The following ABCC12 variants were observed in gnomAD, a reference collection of about 807,000 sequenced individuals.
ABCC12 encodes the protein ATP binding cassette subfamily C member 12, also known as ATP-binding cassette sub-family C member 12.
In ABCC12, 142 loss-of-function variants were observed where a neutral mutation model predicts 151.1. The ratio of observed to expected loss-of-function variants is 0.94; its 90% CI spans 0.82 to 1.08. ABCC12 has a LOEUF of 1.08. Among genes scored for constraint, ABCC12 ranks in the 50% least tolerant of loss-of-function variants. The pLI, the probability that ABCC12 is intolerant of heterozygous loss-of-function variation, is 0.00. For synonymous variants in ABCC12, 645 were observed against 646.4 expected (o/e 1.00, Z 0.03); for missense variants, 1,638 against 1,691.1 (o/e 0.97, Z 0.55).
At chr16:48,114,678 C>A (rs1426581640) in intron 15 of ABCC12, among the ~76,000 whole-genome samples, 2 of 152,138 alleles carry the variant, frequency 1.3e-5, no homozygotes, top group Admixed American at 6.5e-5. Flanking sequence ...GGATTCCCTA[C>A]AAAGAAGAGA....
chr16:48,123,842 C>A (rs532705317), intron 12 of ABCC12, among the ~76,000 whole-genome samples: 1 of 152,238 alleles, frequency 6.6e-6, no homozygotes, highest in Non-Finnish European at 1.5e-5. Context: ...CCATGAGCTC[C>A]AGACTCCAAA....
chr16:48,128,686 G>A lies in ABCC12; in HGVS notation c.1288C>T (p.Pro430Ser). ...TTTGCTAAAAGCAAGACAGTATCTG[G>A]GTCTTCTGGTTGGGTGATGTAAGAT... is the stretch of plus-strand genomic sequence containing the variant. ...PPSYITQPED[P>S]DTVLLLANAT... The change falls in exon 11 of 31, where the codon CCA becomes TCA. Residue 430 changes from proline (P) to serine (S), a missense_variant. By Grantham distance (74) the Pro-to-Ser change is moderately conservative (BLOSUM62 -1). Transcript: ENST00000311303. 6.2e-7 allele frequency: 1 copy of A among 1,614,070 alleles called. No individual in the cohort carries two copies. Among genetic ancestry groups the A allele is most frequent in the Non-Finnish European group, 8.5e-7 (1 of 1,180,010 alleles).
intron 1 of ABCC12, among the ~76,000 whole-genome samples, chr16:48,155,013 C>A (rs1965165338): frequency 6.6e-6 from 1 of 152,242 alleles, no homozygotes; most frequent in East Asian, 1.9e-4. Context: ...CTCTCCCAGG[C>A]CCTGCCTGCA....
chr16:48,152,452 C>A (rs1965129391), intron 2 of ABCC12, among the ~76,000 whole-genome samples: 1 of 152,178 alleles, frequency 6.6e-6, no homozygotes, highest in Non-Finnish European at 1.5e-5. Context: ...AGCTGTGGTC[C>A]ATGATCAACA....
At chr16:48,084,146 T>TA (rs1370083904) in intron 29 of ABCC12, 73 bp from the exon 30 acceptor site, 111 of 1,413,152 alleles carry the variant, frequency 7.9e-5, no homozygotes, top group South Asian at 9.9e-5. Flanking sequence ...CTATTTACTT[T>TA]AAAAAAAAGA....
In ABCC12 at chr16:48,139,108, A is replaced by C. The variant is rs1042308914; in HGVS notation, c.831+55T>G. The C allele has an allele frequency of 4.6e-6, 7 of 1,512,768 alleles. No individual in the cohort carries two copies. The African/African-American group carries it at 9.8e-5, about 21-fold the overall frequency. 93.7% of individuals were successfully genotyped at this position (1,512,768 alleles called of 1,614,324 possible). A position where few individuals can be genotyped will look rare whatever the true frequency, so the allele number is the denominator to read the frequency against. ...ATGCAGCCTTCCACCCAATTCAGTG[A>C]AAGTGTGTGAAATGCAAATACAAAG... is the stretch of plus-strand genomic sequence containing the variant. On this transcript the variant is annotated intron_variant, in intron 7 of 30. Transcript: ENST00000311303.
chr16:48,128,616 G>T lies in ABCC12; in HGVS notation c.1358C>A (p.Pro453Gln), dbSNP rs1323502316. Reference sequence around the variant, plus strand: ...CCTTTTCTGGTTCTGCAATTTCTTTGGGGTACTTTTCCTGCTGGCTTCATG... The same window carrying T: ...CCTTTTCTGGTTCTGCAATTTCTTTTGGGTACTTTTCCTGCTGGCTTCATG... ...WEHEASRKST[P>Q]KKLQNQKRHL... Residue 453 changes from proline to glutamine, a missense_variant, in exon 11 of 31, where the codon CCA becomes CAA. Transcript: ENST00000311303. 1 of 1,614,172 alleles carries T rather than the reference G, an allele frequency of 6.2e-7. No homozygotes were observed. The highest frequency in any genetic ancestry group is 8.5e-7 in the Non-Finnish European group (1 of 1,180,032).
Position 48,088,743 on chromosome 16 carries a change from G to A in ABCC12, c.3286-9C>T. 1 of 1,600,554 alleles carries A rather than the reference G, an allele frequency of 6.2e-7. No homozygotes were observed. The highest frequency in any genetic ancestry group is 1.1e-5 in the South Asian group (1 of 87,914). On this transcript the variant is annotated splice_polypyrimidine_tract_variant and intron_variant, in intron 25 of 30. Transcript: ENST00000311303. ...CATTCAGGAACACAGGTCTGTAAAG[G>A]AGAATAACCAATGACCAGTGACTAG...
At chr16:48,084,267 A>G (rs1468368235) in intron 29 of ABCC12, among the ~76,000 whole-genome samples, 194 bp from the exon 30 acceptor site, 1 of 152,230 alleles carries the variant, frequency 6.6e-6, no homozygotes, top group East Asian at 1.9e-4. Flanking sequence ...CATCACCTCC[A>G]TCTTTCCAAA....
chr16:48,115,569 C>T lies in ABCC12; in HGVS notation c.1835G>A (p.Ser612Asn). The change falls in exon 15 of 31, where the codon AGC becomes AAC. Residue 612 changes from serine (S) to asparagine (N), a missense_variant. Coordinates refer to ENST00000311303, the MANE Select transcript of ABCC12 (RefSeq NM_001393797.1). ...NLSGGQRQRISLARAVYSDRQ... is the reference protein window; with the variant it reads ...NLSGGQRQRINLARAVYSDRQ... Reference sequence around the variant, plus strand: ...GTCGGAGTAGACAGCGCGGGCCAGGCTAATCCTCTGCCTCTGCCCCCCAGA... The same window carrying T: ...GTCGGAGTAGACAGCGCGGGCCAGGTTAATCCTCTGCCTCTGCCCCCCAGA... The T allele has an allele frequency of 1.2e-6, 2 of 1,614,164 alleles. No homozygotes were observed. The highest frequency in any genetic ancestry group is 1.1e-5 in the South Asian group (1 of 91,088).
chr16:48,146,168 G>C, intron 3 of ABCC12, 138 bp downstream of exon 3: 1 of 737,388 alleles, frequency 1.4e-6, no homozygotes, highest in Non-Finnish European at 2.3e-6. Context: ...ATAAATGAAT[G>C]AACGTGTGCA....
Position 48,104,274 on chromosome 16 carries a change from AG to A in ABCC12, c.2767del (p.Leu923CysfsTer20), listed in dbSNP as rs1963406506. 6.2e-7 allele frequency: 1 copy of A among 1,614,154 alleles called. No homozygotes were observed. The highest frequency in any genetic ancestry group is 1.1e-5 in the South Asian group (1 of 91,092). ...SKDMDELDVR[L>X]PFHAENFLQQ... Reference sequence around the variant, plus strand: ...CAGAAAGTTCTCTGCGTGAAACGGCAGCCTCACATCCAGCTCGTCCATATCC... The same window carrying A: ...CAGAAAGTTCTCTGCGTGAAACGGCACCTCACATCCAGCTCGTCCATATCC... On this transcript the variant is annotated frameshift_variant, in exon 22 of 31. Coordinates refer to ENST00000311303, the MANE Select transcript of ABCC12 (RefSeq NM_001393797.1). LOFTEE classifies it high-confidence loss of function.
At position 48,104,275 on chromosome 16, in the gene ABCC12, G is replaced by A. The variant is rs963541598; in HGVS notation, c.2767C>T (p.Leu923=). The A allele has an allele frequency of 1.2e-6, 2 of 1,614,150 alleles. No individual in the cohort carries two copies. The highest frequency in any genetic ancestry group is 1.7e-6 in the Non-Finnish European group (2 of 1,180,054). ...AGAAAGTTCTCTGCGTGAAACGGCA[G>A]CCTCACATCCAGCTCGTCCATATCC... ...SKDMDELDVR[L]PFHAENFLQQ... Residue 923 remains leucine (L), a synonymous_variant, in exon 22 of 31, where the codon CTG becomes TTG. Coordinates refer to ENST00000311303, the MANE Select transcript of ABCC12 (RefSeq NM_001393797.1).
chr16:48,131,609 G>A (rs1225063355), intron 9 of ABCC12, among the ~76,000 whole-genome samples: 4 of 152,110 alleles, frequency 2.6e-5, no homozygotes, highest in African/African-American at 7.2e-5. Context: ...TTCTCCCTTC[G>A]GTTGGTGCCC....
intron 24 of ABCC12, among the ~76,000 whole-genome samples, chr16:48,093,728 C>T (rs556615270): frequency 2.6e-5 from 4 of 152,322 alleles, no homozygotes; most frequent in Non-Finnish European, 4.4e-5. Flanking sequence ...AGGGCATATA[C>T]ATCTTTTGCT....
In ABCC12 at chr16:48,111,650, G is replaced by A. The variant is rs560832836; in HGVS notation, c.2137C>T (p.Leu713Phe). The A allele has an allele frequency of 1.1e-4, 173 of 1,614,088 alleles. No individual in the cohort carries two copies. In the South Asian group the frequency reaches 1.7e-3, roughly 16 times the overall value. The change falls in exon 17 of 31, where the codon CTT becomes TTT. Residue 713 changes from leucine (L) to phenylalanine (F), a missense_variant. Leu to Phe is a conservative substitution (Grantham distance 22). Transcript: ENST00000311303. ...RGLQFKDPEH[L>F]YNAAMVEAFK... ...GCTTCCACCATTGCTGCATTGTAAA[G>A]GTGTTCAGGATCCTGGAGACAAAAT...
Position 48,109,941 on chromosome 16 carries a change from C to T in ABCC12, c.2282-1412G>A, listed in dbSNP as rs115189011. 5.5e-3 allele frequency among the ~76,000 whole-genome samples: 845 copies of T among 152,302 alleles called. 3 individuals carry two copies. The highest frequency in any genetic ancestry group is 0.019 in the African/African-American group (777 of 41,552). ...CAGCTTTCACCGCCCTTGACAGCCC[C>T]GTTGTTTATCCTTGAGGACTAGGTC... is the stretch of plus-strand genomic sequence containing the variant. On this transcript the variant is annotated intron_variant, in intron 18 of 30. Coordinates refer to ENST00000311303, the MANE Select transcript of ABCC12 (RefSeq NM_001393797.1).
At chr16:48,084,600 C>G (rs924456410) in intron 29 of ABCC12, among the ~76,000 whole-genome samples, 4 of 152,244 alleles carry the variant, frequency 2.6e-5, no homozygotes, top group African/African-American at 9.6e-5. Context: ...TGGCCCACAG[C>G]CCCTCCTGGC....
chr16:48,095,504 A>T (rs1963065552), intron 24 of ABCC12, among the ~76,000 whole-genome samples: 1 of 152,218 alleles, frequency 6.6e-6, no homozygotes, highest in Admixed American at 6.5e-5. Flanking sequence ...ATTCTTTTAA[A>T]AACTCAGAGA....
Sources: gnomAD v4.1 joint callset for allele counts (sites outside exome capture counted in the v4.1 genomes callset) on GRCh38, gnomAD v4.1.1 for gene constraint, MANE v1.5 for transcripts, NCBI Gene and HGNC (gene_info 2026-07-23, HGNC 2026-07-21) for gene names.